Variants in PTGR2 observed in about 807,000 individuals in gnomAD.
PTGR2 encodes 15-oxoprostaglandin 13-reductase.
PTGR2 carries 32 observed loss-of-function variants against 43.4 expected under a neutral mutation model. The ratio of observed to expected loss-of-function variants is 0.74; its 90% CI spans 0.56 to 0.99. The LOEUF is 0.99. Among genes scored for constraint, PTGR2 ranks in the 50% least tolerant of loss-of-function variants. PTGR2 has a pLI of 0.00. For missense variants in PTGR2, 373 were observed against 420.0 expected (o/e 0.89, Z 0.98); for synonymous variants, 106 against 139.2 (o/e 0.76, Z 1.68).
chr14:73,874,201 A>G lies in PTGR2; in HGVS notation c.335A>G (p.Asn112Ser), dbSNP rs761587424. The stretch of plus-strand genomic sequence containing the variant: ...CAAACCAAGGTTATTCTGGATGGAA[A>G]TAGCCTTGAAAAGGTGATATATATA... ...PWQTKVILDG[N>S]SLEKVDPQLV... Residue 112 changes from asparagine to serine, a missense_variant, in exon 4 of 10, where the codon AAT becomes AGT. Transcript: ENST00000555661. 1.9e-5 allele frequency: 31 copies of G among 1,612,114 alleles called. No homozygotes were observed. Among genetic ancestry groups the G allele is most frequent in the Non-Finnish European group, 2.6e-5 (31 of 1,179,230 alleles).
intron 3 of PTGR2, among the ~76,000 whole-genome samples, chr14:73,865,667 G>T (rs138398190): frequency 6.6e-6 from 1 of 151,668 alleles, no homozygotes; most frequent in African/African-American, 2.4e-5. Context: ...TAACTGGGAC[G>T]ATAGGTGCAA....
At chr14:73,875,820 C>CTTTTTTTTTTTT (rs953891690) in intron 4 of PTGR2, among the ~76,000 whole-genome samples, 1 of 94,374 alleles carries the variant, frequency 1.1e-5, no homozygotes, top group Non-Finnish European at 2.0e-5. Flanking sequence ...TTAAAAGTTT[C>CTTTTTTTTTTTT]TTTTTTTTTT....
rs535547962 is a variant in PTGR2 at position 73,855,684 on chromosome 14, G to A, written c.-47-3132G>A. ...TGGTTGTGAACTCCTGACCTTAAAT[G>A]ATGCACCTGCCTCAGCCTCCCAAAG... On this transcript the variant is annotated intron_variant, in intron 1 of 9. Coordinates refer to ENST00000555661, the MANE Select transcript of PTGR2 (RefSeq NM_001146154.2). Among the ~76,000 whole-genome samples the A allele has an allele frequency of 4.5e-3, 672 of 150,304 alleles. 6 individuals carry two copies. Among genetic ancestry groups the A allele is most frequent in the African/African-American group, 0.016 (654 of 41,120 alleles).
At chr14:73,880,412 A>C (rs2054956592) in intron 7 of PTGR2, among the ~76,000 whole-genome samples, 1 of 109,668 alleles carries the variant, frequency 9.1e-6, no homozygotes, top group Admixed American at 9.2e-5. Context: ...TTCTCTACTA[A>C]AAATACAAAA....
At chr14:73,874,580 T>C (rs1274935587) in intron 4 of PTGR2, 1 of 457,392 alleles carries the variant, frequency 2.2e-6, no homozygotes, top group South Asian at 1.5e-5. Flanking sequence ...TTTGTTTGTT[T>C]TAGAGATGGG....
intron 4 of PTGR2, chr14:73,874,633 A>G: frequency 2.2e-6 from 1 of 455,622 alleles, no homozygotes; most frequent in South Asian, 1.5e-5. Flanking sequence ...TCCTAGGCTC[A>G]AGCAATCCTC....
rs909067111 is a variant in PTGR2, at chr14:73,861,951, C to T, written c.156+1294C>T. 2.0e-5 allele frequency among the ~76,000 whole-genome samples: 3 copies of T among 151,122 alleles called. No homozygotes were observed. The South Asian group carries it at 6.3e-4, about 32-fold the overall frequency. On this transcript the variant is annotated intron_variant, in intron 3 of 9. Coordinates refer to ENST00000555661, the MANE Select transcript of PTGR2 (RefSeq NM_001146154.2). ...GGAGTGCAGTGGCACTATCTTGGCT[C>T]ACTGCAACCTCTGCCTCCTGGGTTC...
intron 4 of PTGR2, among the ~76,000 whole-genome samples, chr14:73,875,816 G>GTTTTTTTTTTTTTTTTT (rs1555351261): frequency 9.4e-6 from 1 of 106,540 alleles, no homozygotes; most frequent in African/African-American, 3.2e-5. Flanking sequence ...TTTTTTAAAA[G>GTTTTTTTTTTTTTTTTT]TTTCTTTTTT....
At chr14:73,859,384 G>A (rs898049968) in intron 2 of PTGR2, among the ~76,000 whole-genome samples, 2 of 152,058 alleles carry the variant, frequency 1.3e-5, no homozygotes, top group Non-Finnish European at 2.9e-5. Flanking sequence ...CTCAATTTTA[G>A]TAAAATGAGC....
intron 1 of PTGR2, among the ~76,000 whole-genome samples, chr14:73,854,672 A>T (rs2054304169): frequency 6.6e-6 from 1 of 152,232 alleles, no homozygotes; most frequent in Admixed American, 6.5e-5. Flanking sequence ...TTGAAAATTT[A>T]GCCATTATGG....
Position 73,884,262 on chromosome 14 carries a change from T to C in PTGR2, c.*85T>C, listed in dbSNP as rs2055073070. ...GATATGTTAAAAAATCCTTAGACTATACATAGCTCTTGATTTAAATGTGAT... is the reference window on the plus strand; with the variant it reads ...GATATGTTAAAAAATCCTTAGACTACACATAGCTCTTGATTTAAATGTGAT... On this transcript the variant is annotated 3_prime_UTR_variant, in exon 10 of 10. Transcript: ENST00000555661. 2 of 803,426 alleles carry C rather than the reference T, an allele frequency of 2.5e-6. No homozygotes were observed. The highest frequency in any genetic ancestry group is 2.4e-5 in the Admixed American group (1 of 41,486). The allele number at this position is 803,426 out of a possible 1,614,324, so 49.8% of individuals were successfully genotyped here. A position where few individuals can be genotyped will look rare whatever the true frequency, so the allele number is the denominator to read the frequency against.
chr14:73,855,232 T>C (rs1439695994), intron 1 of PTGR2, among the ~76,000 whole-genome samples: 1 of 152,194 alleles, frequency 6.6e-6, no homozygotes, highest in Non-Finnish European at 1.5e-5. Context: ...AGGTATTAGA[T>C]GATGATAAGG....
In PTGR2 at chr14:73,874,099, G is replaced by T; in HGVS notation, c.233G>T (p.Gly78Val). ...WQLSQVVDGG[G>V]IGIIEESKHT... ...CTATCTCAAGTCGTTGATGGAGGAG[G>T]TATTGGAATTATAGAAGAAAGCAAA... Residue 78 changes from glycine to valine, a missense_variant, in exon 4 of 10, where the codon GGT becomes GTT. Physicochemically the swap from Gly to Val is moderately radical, Grantham distance 109. Transcript: ENST00000555661. 2 of 1,613,762 alleles carry T rather than the reference G, an allele frequency of 1.2e-6. No individual in the cohort carries two copies. Among genetic ancestry groups the T allele is most frequent in the Non-Finnish European group, 1.7e-6 (2 of 1,179,744 alleles).
intron 4 of PTGR2, chr14:73,874,464 A>G (rs2054809954): frequency 3.8e-6 from 2 of 529,166 alleles, no homozygotes; most frequent in South Asian, 3.7e-5. Context: ...TAACAGGAGA[A>G]AAACCATTTT....
At chr14:73,881,325 TC>T (rs1488775424) in intron 8 of PTGR2, 33 bp downstream of exon 8, 1 of 1,244,324 alleles carries the variant, frequency 8.0e-7, no homozygotes, top group African/African-American at 1.5e-5. Context: ...ATATAATTCT[TC>T]CTGCTACTTG....
chr14:73,868,329 T>A (rs1414458980), intron 3 of PTGR2, among the ~76,000 whole-genome samples: 2 of 152,140 alleles, frequency 1.3e-5, no homozygotes, highest in Non-Finnish European at 2.9e-5. Context: ...CCTTTACCTG[T>A]CCAGGCTCAG....
chr14:73,870,777 T>G (rs915876261), intron 3 of PTGR2, among the ~76,000 whole-genome samples: 4 of 152,188 alleles, frequency 2.6e-5, no homozygotes, highest in Admixed American at 2.6e-4. Flanking sequence ...AGATGTGCTT[T>G]CATATTCTTT....
intron 9 of PTGR2, among the ~76,000 whole-genome samples, 162 bp from the exon 10 acceptor site, chr14:73,883,939 A>G (rs1043853892): frequency 6.6e-6 from 1 of 152,196 alleles, no homozygotes; most frequent in Non-Finnish European, 1.5e-5. Context: ...GTTTGTGTGT[A>G]ACTTTTTACT....
intron 1 of PTGR2, among the ~76,000 whole-genome samples, chr14:73,857,664 GTT>G (rs1213963564): frequency 6.8e-4 from 44 of 64,716 alleles, no homozygotes; most frequent in Non-Finnish European, 1.0e-3. Flanking sequence ...AGCAGTTAGT[GTT>G]TTTTTTTTTT....
Sources: allele counts gnomAD v4.1 joint callset (sites outside exome capture counted in the v4.1 genomes callset), GRCh38; gene constraint gnomAD v4.1.1; transcripts MANE v1.5; gene names NCBI Gene and HGNC (gene_info 2026-07-23, HGNC 2026-07-21).